ALS2CL: variants seen among roughly 807,000 people sequenced by gnomAD.
ALS2CL encodes the protein ALS2 C-terminal-like protein.
A neutral mutation model predicts 127.9 loss-of-function variants in ALS2CL; 112 were observed. The observed-to-expected ratio is 0.88, with a 90% CI of 0.75 to 1.02. The LOEUF is 1.02. Ranked by LOEUF, ALS2CL falls within the 50% of genes least tolerant of loss-of-function variation. The pLI, the probability that ALS2CL is intolerant of heterozygous loss-of-function variation, is 0.00. For synonymous variants in ALS2CL, 519 were observed against 527.6 expected, an observed-to-expected ratio of 0.98 and a Z score of 0.22; for missense variants, 1,174 against 1,236.7, an observed-to-expected ratio of 0.95 and a Z score of 0.76.
At position 46,681,426 on chromosome 3, in the gene ALS2CL, A is replaced by C; in HGVS notation, c.1275-19T>G. The C allele has an allele frequency of 6.2e-7, 1 of 1,606,654 alleles. No individual in the cohort carries two copies. The highest frequency in any genetic ancestry group is 8.5e-7 in the Non-Finnish European group (1 of 1,174,222). On this transcript the variant is annotated intron_variant, in intron 12 of 25. Coordinates refer to ENST00000318962, the MANE Select transcript of ALS2CL (RefSeq NM_147129.5). The surrounding 1 kb of genome is among the most constrained non-coding windows in gnomAD (Gnocchi z 4.9). ...GCTGTACCTGGGGAGGGCCATCAAC[A>C]ACGAGCTCTGCCTCATGGAGCTCAG...
intron 1 of ALS2CL, 99 bp from the exon 2 acceptor site, chr3:46,689,564 C>T: frequency 2.7e-6 from 2 of 746,780 alleles, no homozygotes; most frequent in South Asian, 3.7e-5. Context: ...CCATGACCAC[C>T]CACATCAGAA....
chr3:46,678,450 T>A, intron 15 of ALS2CL, 61 bp from the exon 16 acceptor site: 1 of 1,565,050 alleles, frequency 6.4e-7, no homozygotes, highest in Non-Finnish European at 8.7e-7. Flanking sequence ...CAGCCAATCA[T>A]GACAGGCCAC....
rs762357614 is a variant in ALS2CL at position 46,674,609 on chromosome 3, G to C, written c.2386C>G (p.Leu796Val). ...FYSQGIANLS[L>V]FPDTQLLEFL... Reference sequence around the variant, plus strand: ...TCGAGCAGTTGGGTATCAGGAAAGAGGCTCAAGTTGGCAATGCCCTGGCTG... The same window carrying C: ...TCGAGCAGTTGGGTATCAGGAAAGACGCTCAAGTTGGCAATGCCCTGGCTG... Residue 796 changes from leucine (L) to valine (V), a missense_variant, in exon 21 of 26, where the codon CTC (leucine) becomes GTC (valine). Physicochemically the swap from Leu to Val is conservative, Grantham distance 32 (BLOSUM62 1). Coordinates refer to ENST00000318962, the MANE Select transcript of ALS2CL (RefSeq NM_147129.5). 5 of 1,614,080 alleles carry C rather than the reference G, an allele frequency of 3.1e-6. No homozygotes were observed. Among genetic ancestry groups the C allele is most frequent in the Middle Eastern group, 1.6e-4 (1 of 6,062 alleles).
intron 2 of ALS2CL, 31 bp downstream of exon 2, chr3:46,689,307 C>T: frequency 6.2e-7 from 1 of 1,606,546 alleles, no homozygotes; most frequent in Non-Finnish European, 8.5e-7. Context: ...CCTCGGTGCC[C>T]TTCCCTCCCC....
chr3:46,674,387 TG>T (rs1206161734), intron 21 of ALS2CL, among the ~76,000 whole-genome samples, 178 bp downstream of exon 21: 4 of 152,156 alleles, frequency 2.6e-5, no homozygotes, highest in African/African-American at 7.2e-5. Context: ...CCAACAGAAA[TG>T]GAAGGTGCTT....
rs377336974 is a variant in ALS2CL, at chr3:46,683,973, C to T, written c.845+16G>A. 476 of 1,601,318 alleles carry T rather than the reference C, an allele frequency of 3.0e-4. No individual in the cohort carries two copies. Among genetic ancestry groups the T allele is most frequent in the Non-Finnish European group, 1.5e-4 (177 of 1,173,398 alleles). On this transcript the variant is annotated intron_variant, in intron 8 of 25. Transcript: ENST00000318962. ...AGGGAAGAAGGCCTGGGGTGTCAGC[C>T]GAGGGGGTTGCTCACCCGTCCTGCC...
intron 25 of ALS2CL, among the ~76,000 whole-genome samples, 165 bp downstream of exon 25, chr3:46,671,323 A>T (rs1384286458): frequency 6.6e-6 from 1 of 151,986 alleles, no homozygotes; most frequent in African/African-American, 2.4e-5. Flanking sequence ...TGGCTCCTTT[A>T]ATAAGAGCAG....
chr3:46,686,915 C>T lies in ALS2CL; in HGVS notation c.534+68G>A. ...TAGGGTTCCTGAGTATAGGCTGAGCCCCCTGAGTCTGGGCCCTATCCCTCC... is the reference window on the plus strand; with the variant it reads ...TAGGGTTCCTGAGTATAGGCTGAGCTCCCTGAGTCTGGGCCCTATCCCTCC... On this transcript the variant is annotated intron_variant, in intron 5 of 25. Transcript: ENST00000318962. The surrounding 1 kb of genome is among the most constrained non-coding windows in gnomAD (Gnocchi z 4.3). 6.9e-7 allele frequency: 1 copy of T among 1,448,292 alleles called. No homozygotes were observed. The highest frequency in any genetic ancestry group is 2.5e-5 in the Admixed American group (1 of 39,264). The allele number at this position is 1,448,292 out of a possible 1,614,324, so 89.7% of individuals were successfully genotyped here.
rs752570654 is a variant in ALS2CL, at chr3:46,676,886, C to G, written c.1894G>C (p.Glu632Gln). 6.2e-7 allele frequency: 1 copy of G among 1,613,356 alleles called. No homozygotes were observed. Among genetic ancestry groups the G allele is most frequent in the Non-Finnish European group, 8.5e-7 (1 of 1,179,884 alleles). Residue 632 changes from glutamate to glutamine, a missense_variant, in exon 17 of 26, where the codon GAG becomes CAG. By Grantham distance (29) the Glu-to-Gln change is conservative. Coordinates refer to ENST00000318962, the MANE Select transcript of ALS2CL (RefSeq NM_147129.5). ...AGGTAATCCTGAGACCTACGCAGCT[C>G]CCTGGAGCTCTGCACGTCGAAGCCC... Reference protein sequence around the residue: ...LLGFDVQSSRELRRSQDYLSC... With the variant: ...LLGFDVQSSRQLRRSQDYLSC...
At chr3:46,676,792 C>G (rs1264712463) in intron 17 of ALS2CL, 54 bp from the exon 18 acceptor site, 3 of 1,607,606 alleles carry the variant, frequency 1.9e-6, no homozygotes, top group African/African-American at 1.3e-5. Flanking sequence ...CCCCCTCCCC[C>G]CAGGAAGCCC....
At chr3:46,683,389 C>G in intron 9 of ALS2CL, 63 bp from the exon 10 acceptor site, 2 of 1,502,436 alleles carry the variant, frequency 1.3e-6, no homozygotes, top group Non-Finnish European at 1.8e-6. Context: ...CTCCAGGAAG[C>G]CTTCTGGGGT....
intron 1 of ALS2CL, among the ~76,000 whole-genome samples, chr3:46,690,336 T>C (rs1469911972): frequency 6.6e-6 from 1 of 152,212 alleles, no homozygotes; most frequent in East Asian, 1.9e-4. Flanking sequence ...GACAGAGGGA[T>C]CACTGATCAC....
At chr3:46,676,006 CAG>C (rs1559461730) in intron 19 of ALS2CL, 1 of 1,417,232 alleles carries the variant, frequency 7.1e-7, no homozygotes, top group Admixed American at 2.9e-5. Flanking sequence ...CACCTGCGGT[CAG>C]AGTCAGCCCA....
rs3210183 is a variant in ALS2CL at position 46,670,360 on chromosome 3, A to G, written c.*624T>C. 105,613 of 152,902 alleles carry G rather than the reference A, an allele frequency of 0.69. 37,721 individuals carry two copies. The highest frequency in any genetic ancestry group is 0.78 in the Non-Finnish European group (53,418 of 68,606). 9.5% of individuals were successfully genotyped at this position (152,902 alleles called of 1,614,324 possible). A position where few individuals can be genotyped will look rare whatever the true frequency, so the allele number is the denominator to read the frequency against. ...GTTGTCCCCACGCAGGCCCACAGAC[A>G]TCACAGGAGAATGATTTACAAGCCA... On this transcript the variant is annotated 3_prime_UTR_variant, in exon 26 of 26. Transcript: ENST00000318962. This position sits in a 1 kb window ranked among gnomAD's most constrained non-coding sequence, Gnocchi z 5.5.
At chr3:46,671,670 C>A in intron 24 of ALS2CL, 86 bp from the exon 25 acceptor site, 3 of 1,600,484 alleles carry the variant, frequency 1.9e-6, no homozygotes, top group Non-Finnish European at 2.6e-6. Flanking sequence ...GGAGCGCTGG[C>A]CTGGATGGCT....
rs1007829709 is a variant in ALS2CL at position 46,671,718 on chromosome 3, C to T, written c.2685-134G>A. Reference sequence around the variant, plus strand: ...TGTGGTCCTCACTCTACCTCTAGCACCCCAGCACCCTGGCTGGGACCCTCC... The same window carrying T: ...TGTGGTCCTCACTCTACCTCTAGCATCCCAGCACCCTGGCTGGGACCCTCC... On this transcript the variant is annotated intron_variant, in intron 24 of 25. Coordinates refer to ENST00000318962, the MANE Select transcript of ALS2CL (RefSeq NM_147129.5). 7 of 1,539,478 alleles carry T rather than the reference C, an allele frequency of 4.5e-6. No individual in the cohort carries two copies. The Admixed American group carries it at 8.0e-5, about 18-fold the overall frequency.
chr3:46,678,598 C>T (rs1238620253), intron 15 of ALS2CL, among the ~76,000 whole-genome samples: 1 of 152,124 alleles, frequency 6.6e-6, no homozygotes, highest in Non-Finnish European at 1.5e-5. Flanking sequence ...GCCCACGTCT[C>T]AGGGGCTCGC....
At chr3:46,683,753 C>T in intron 9 of ALS2CL, 29 bp downstream of exon 9, 1 of 1,612,432 alleles carries the variant, frequency 6.2e-7, no homozygotes, top group South Asian at 1.1e-5. Flanking sequence ...TGACCCCGCT[C>T]CCGCAGTTCA....
At chr3:46,691,816 C>A (rs1360156822) in intron 1 of ALS2CL, among the ~76,000 whole-genome samples, 1 of 151,720 alleles carries the variant, frequency 6.6e-6, no homozygotes, top group Non-Finnish European at 1.5e-5. Context: ...TCTTGGCCTC[C>A]CAAAGTGCTG....
Sources: gnomAD v4.1 joint callset for allele counts (sites outside exome capture counted in the v4.1 genomes callset) on GRCh38, gnomAD v4.1.1 for gene constraint, Gnocchi (gnomAD v3.1) non-coding constraint, MANE v1.5 for transcripts, NCBI Gene and HGNC (gene_info 2026-07-23, HGNC 2026-07-21) for gene names.